GINM1: variants seen among roughly 807,000 people sequenced by gnomAD.
GINM1 encodes the protein glycosylated integral membrane protein 1, also known as glycoprotein integral membrane protein 1.
In GINM1, 29 loss-of-function variants were observed where a neutral mutation model predicts 37.8. The ratio of observed to expected loss-of-function variants is 0.77; its 90% confidence interval spans 0.57 to 1.05. The LOEUF is 1.05. Among genes scored for constraint, GINM1 ranks in the 50% least tolerant of loss-of-function variants. GINM1 has a pLI of 0.00. For synonymous variants in GINM1, 143 were observed against 146.2 expected, an observed-to-expected ratio of 0.98 and a Z score of 0.16; for missense variants, 377 against 397.9, an observed-to-expected ratio of 0.95 and a Z score of 0.45.
chr6:149,579,888 C>T lies in GINM1; in HGVS notation c.484C>T (p.Leu162Phe). Residue 162 changes from leucine (L) to phenylalanine (F), a missense_variant, in exon 5 of 8, where the codon CTC becomes TTC. Leu to Phe is a conservative substitution (Grantham distance 22, BLOSUM62 0). Transcript: ENST00000367419. Reference sequence around the variant, plus strand: ...TATTTTAGTTAAGAACCGGGGAGTACTCAGACATTCAAACTATACCCTCCC... The same window carrying T: ...TATTTTAGTTAAGAACCGGGGAGTATTCAGACATTCAAACTATACCCTCCC... ...IDILVKNRGV[L>F]RHSNYTLPLE... 3 of 1,606,778 alleles carry T rather than the reference C, an allele frequency of 1.9e-6. No homozygotes were observed. Among genetic ancestry groups the T allele is most frequent in the East Asian group, 2.2e-5 (1 of 44,730 alleles).
intron 7 of GINM1, among the ~76,000 whole-genome samples, chr6:149,585,508 A>G (rs1164923061): frequency 6.6e-6 from 1 of 152,186 alleles, no homozygotes; most frequent in African/African-American, 2.4e-5. Flanking sequence ...CTTGGTTTAC[A>G]GTATCCTTAG....
chr6:149,576,592 A>G (rs1777918027), intron 3 of GINM1, among the ~76,000 whole-genome samples: 1 of 151,532 alleles, frequency 6.6e-6, no homozygotes. Context: ...CTTTCAAAAG[A>G]ACAAAAAAAG....
chr6:149,569,322 C>T (rs1174610569), intron 1 of GINM1, among the ~76,000 whole-genome samples: 1 of 148,496 alleles, frequency 6.7e-6, no homozygotes, highest in Non-Finnish European at 1.5e-5. Context: ...AGGTGTGAGC[C>T]ACTGCGCCCG....
At chr6:149,568,887 A>G (rs1777763613) in intron 1 of GINM1, among the ~76,000 whole-genome samples, 1 of 152,116 alleles carries the variant, frequency 6.6e-6, no homozygotes. Context: ...GCTGGAGTGC[A>G]GTGGCATGAT....
chr6:149,569,195 A>G (rs1319535736), intron 1 of GINM1, among the ~76,000 whole-genome samples: 2 of 151,102 alleles, frequency 1.3e-5, no homozygotes, highest in Admixed American at 1.3e-4. Context: ...CACTGCGCCC[A>G]GCTAATTTTT....
chr6:149,572,194 A>G (rs144747991), intron 1 of GINM1, 91 bp from the exon 2 acceptor site: 35 of 710,274 alleles, frequency 4.9e-5, no homozygotes, highest in Non-Finnish European at 7.6e-5. Flanking sequence ...GTGATTGTAC[A>G]ATAGATACAA....
chr6:149,580,827 G>A, intron 6 of GINM1, 104 bp downstream of exon 6: 1 of 958,216 alleles, frequency 1.0e-6, no homozygotes, highest in Non-Finnish European at 1.6e-6. Context: ...TGGAACTGTA[G>A]AGCATTGGTG....
rs1052426534 is a variant in GINM1, at chr6:149,591,095, T to A, written c.*257T>A. 4.9e-5 allele frequency: 14 copies of A among 286,484 alleles called. No homozygotes were observed. The highest frequency in any genetic ancestry group is 2.4e-4 in the African/African-American group (11 of 45,248). 17.7% of individuals were successfully genotyped at this position (286,484 alleles called of 1,614,324 possible). A position where few individuals can be genotyped will look rare whatever the true frequency, so the allele number is the denominator to read the frequency against. On this transcript the variant is annotated 3_prime_UTR_variant, in exon 8 of 8. Coordinates refer to ENST00000367419, the MANE Select transcript of GINM1 (RefSeq NM_138785.5). ...GGATCACGAGGTCAGATCAAGACCA[T>A]CCTGCCAACATGGTGAAACCCTGTC... is the stretch of plus-strand genomic sequence containing the variant.
chr6:149,566,568 G>T lies in GINM1; in HGVS notation c.120+34G>T. The T allele has an allele frequency of 1.4e-6, 2 of 1,460,332 alleles. No individual in the cohort carries two copies. The highest frequency in any genetic ancestry group is 2.6e-5 in the South Asian group (2 of 76,214). The allele number at this position is 1,460,332 out of a possible 1,614,324, so 90.5% of individuals were successfully genotyped here. A position where few individuals can be genotyped will look rare whatever the true frequency, so the allele number is the denominator to read the frequency against. On this transcript the variant is annotated intron_variant, in intron 1 of 7. Transcript: ENST00000367419. This position sits in a 1 kb window ranked among gnomAD's most constrained non-coding sequence, Gnocchi z 4.4. ...GGGCGGGCCTGGCTGGCCGCTTTAC[G>T]ACTCCGACTCTCCGGGAGGCCCGGG...
chr6:149,576,137 G>A (rs1777910774), intron 3 of GINM1: 1 of 152,112 alleles, frequency 6.6e-6, no homozygotes, highest in South Asian at 2.1e-4. Context: ...GTTCTCAAAA[G>A]GCTGCCATCA....
chr6:149,568,834 CT>C (rs1191832791), intron 1 of GINM1, among the ~76,000 whole-genome samples: 1,475 of 146,010 alleles, frequency 0.01, 25 homozygotes, highest in African/African-American at 0.034. Context: ...AAATAAAAGT[CT>C]TTTTTTTTTT....
rs2115065206 is a variant in GINM1, at chr6:149,591,030, C to T, written c.*192C>T. 5 of 504,558 alleles carry T rather than the reference C, an allele frequency of 9.9e-6. No homozygotes were observed. In the South Asian group the frequency reaches 1.0e-4, roughly 10 times the overall value. The allele number at this position is 504,558 out of a possible 1,614,324, so 31.3% of individuals were successfully genotyped here. A position where few individuals can be genotyped will look rare whatever the true frequency, so the allele number is the denominator to read the frequency against. The stretch of plus-strand genomic sequence containing the variant: ...TTATTCTCGGCCGGGTGCAGTGGCT[C>T]ATGCCTGTAATCCCAGGACTTTGGG... On this transcript the variant is annotated 3_prime_UTR_variant, in exon 8 of 8. Transcript: ENST00000367419.
chr6:149,570,479 G>A lies in GINM1; in HGVS notation c.121-1806G>A, dbSNP rs576060476. The stretch of plus-strand genomic sequence containing the variant: ...AGGTGAGCCAGGAAAAAGCTGGCTA[G>A]TTCTGAGGAATTTCTAGTTAGAAAG... On this transcript the variant is annotated intron_variant, in intron 1 of 7. Coordinates refer to ENST00000367419, the MANE Select transcript of GINM1 (RefSeq NM_138785.5). 3.2e-4 allele frequency among the ~76,000 whole-genome samples: 49 copies of A among 152,106 alleles called. No homozygotes were observed. The East Asian group carries it at 7.4e-3, about 23-fold the overall frequency.
chr6:149,569,151 A>G lies in GINM1; in HGVS notation c.120+2617A>G, dbSNP rs562488447. Among the ~76,000 whole-genome samples, 48 of 151,828 alleles carry G rather than the reference A, an allele frequency of 3.2e-4. No individual in the cohort carries two copies. The South Asian group carries it at 3.5e-3, about 11-fold the overall frequency. ...CAGGTTCAAGTGATTCTCCTGCCTC[A>G]GCTTCCCAAGTAGCTGGGATTACAG... On this transcript the variant is annotated intron_variant, in intron 1 of 7. Transcript: ENST00000367419.
intron 3 of GINM1, among the ~76,000 whole-genome samples, chr6:149,574,108 T>G (rs1483854303): frequency 6.7e-6 from 1 of 149,560 alleles, no homozygotes; most frequent in Non-Finnish European, 1.5e-5. Context: ...TGGAATGCAG[T>G]GGCGCGATCT....
At chr6:149,567,316 G>C (rs991790758) in intron 1 of GINM1, among the ~76,000 whole-genome samples, 2 of 152,190 alleles carry the variant, frequency 1.3e-5, no homozygotes, top group Non-Finnish European at 2.9e-5. Flanking sequence ...AGAATGGTAG[G>C]GAAAAGTTTG....
intron 7 of GINM1, among the ~76,000 whole-genome samples, chr6:149,583,539 G>A (rs1470397217): frequency 1.3e-5 from 2 of 151,214 alleles, no homozygotes; most frequent in East Asian, 3.9e-4. Context: ...TGAGGCAGGA[G>A]AATCGCTTGA....
In GINM1 at chr6:149,572,516, A is replaced by G. The variant is rs1417958067; in HGVS notation, c.190A>G (p.Asn64Asp). Residue 64 changes from asparagine (N) to aspartate (D), a missense_variant, in exon 3 of 8, where the codon AAC becomes GAC. By Grantham distance (23) the Asn-to-Asp change is conservative. Coordinates refer to ENST00000367419, the MANE Select transcript of GINM1 (RefSeq NM_138785.5). The stretch of plus-strand genomic sequence containing the variant: ...GCTGCTTTATTTTAAGGTTGTTCTT[A>G]ACATAACCTATGAGAGTGGACAGGT... ...GDISKQQVVL[N>D]ITYESGQVYV... The G allele has an allele frequency of 3.2e-6, 5 of 1,579,524 alleles. No individual in the cohort carries two copies. Among genetic ancestry groups the G allele is most frequent in the Non-Finnish European group, 3.5e-6 (4 of 1,156,980 alleles).
At position 149,579,862 on chromosome 6, in the gene GINM1, ATATTT is replaced by A. The variant is rs1777971860; in HGVS notation, c.461_465del (p.Ile154SerfsTer2). The A allele has an allele frequency of 6.3e-7, 1 of 1,599,448 alleles. No individual in the cohort carries two copies. The highest frequency in any genetic ancestry group is 1.3e-5 in the African/African-American group (1 of 74,366). ...CAGCAAAAGGATGTCACTGAAATTGATATTTTAGTTAAGAACCGGGGAGTACTCAG... is the reference window on the plus strand; with the variant it reads ...CAGCAAAAGGATGTCACTGAAATTGATAGTTAAGAACCGGGGAGTACTCAG... On this transcript the variant is annotated frameshift_variant, in exon 5 of 8. Coordinates refer to ENST00000367419, the MANE Select transcript of GINM1 (RefSeq NM_138785.5). LOFTEE classifies it high-confidence loss of function.
Sources: allele counts gnomAD v4.1 joint callset (sites outside exome capture counted in the v4.1 genomes callset), GRCh38; gene constraint gnomAD v4.1.1; non-coding constraint Gnocchi (gnomAD v3.1); transcripts MANE v1.5; gene names NCBI Gene and HGNC (gene_info 2026-07-23, HGNC 2026-07-21).